The following ELMO1 variants were observed in gnomAD, a reference collection of about 807,000 sequenced individuals.
ELMO1 encodes engulfment and cell motility 1, also known as engulfment and cell motility protein 1.
In ELMO1, 26 loss-of-function variants were observed where a neutral mutation model predicts 98.9. The observed-to-expected ratio is 0.26, with a 90% CI of 0.19 to 0.36. The LOEUF (loss-of-function observed/expected upper bound fraction) is 0.36, where lower values mean the gene tolerates loss of function less well. Ranked by LOEUF, ELMO1 falls within the 10% of genes least tolerant of loss-of-function variation. The pLI, the probability that ELMO1 is intolerant of heterozygous loss-of-function variation, is 1.00. For missense variants in ELMO1, 627 were observed against 935.2 expected, an observed-to-expected ratio of 0.67 and a Z score of 4.30; for synonymous variants, 346 against 346.0, an observed-to-expected ratio of 1.00 and a Z score of 0.00.
At chr7:37,185,612 T>C (rs1490237760) in intron 13 of ELMO1, among the ~76,000 whole-genome samples, 1 of 152,182 alleles carries the variant, frequency 6.6e-6, no homozygotes. Context: ...ATGTGACTGA[T>C]TGTGCCAACA....
intron 13 of ELMO1, among the ~76,000 whole-genome samples, chr7:37,141,342 C>T (rs116442949): frequency 0.023 from 3,492 of 152,156 alleles, 142 homozygotes; most frequent in African/African-American, 0.08. Context: ...ATAAGAATGA[C>T]GCACTGGACT....
At chr7:37,184,953 G>A (rs867997414) in intron 13 of ELMO1, among the ~76,000 whole-genome samples, 4 of 151,728 alleles carry the variant, frequency 2.6e-5, no homozygotes, top group African/African-American at 9.7e-5. Context: ...TTTTTCTCTT[G>A]TTCTACATAT....
chr7:36,895,541 C>T (rs908676664), intron 16 of ELMO1, among the ~76,000 whole-genome samples: 9 of 152,132 alleles, frequency 5.9e-5, no homozygotes, highest in Non-Finnish European at 8.8e-5. Context: ...ATACTAATTA[C>T]GCATTTGGAA....
Position 37,406,367 on chromosome 7 carries a change from G to A in ELMO1, c.-74+42308C>T, listed in dbSNP as rs142215968. On this transcript the variant is annotated intron_variant, in intron 1 of 21. Coordinates refer to ENST00000310758, the MANE Select transcript of ELMO1 (RefSeq NM_014800.11). The stretch of plus-strand genomic sequence containing the variant: ...GAACTCAGTAGCCACAACAATGAGG[G>A]GCATAATGCAATGAAACTAAAAACA... 1.5e-3 allele frequency among the ~76,000 whole-genome samples: 221 copies of A among 151,886 alleles called. 2 individuals carry two copies. The highest frequency in any genetic ancestry group is 5.0e-3 in the African/African-American group (209 of 41,420).
chr7:37,260,569 C>G (rs1459722486), intron 5 of ELMO1, among the ~76,000 whole-genome samples: 1 of 152,146 alleles, frequency 6.6e-6, no homozygotes, highest in Non-Finnish European at 1.5e-5. Flanking sequence ...CCCTCCCTGC[C>G]CAGTTCTCCC....
intron 15 of ELMO1, among the ~76,000 whole-genome samples, chr7:37,081,643 C>T (rs1439918512): frequency 2.0e-5 from 3 of 152,192 alleles, no homozygotes; most frequent in Non-Finnish European, 2.9e-5. Flanking sequence ...TCCCTCTTGG[C>T]CTGCTGCCAG....
At chr7:36,974,911 T>C (rs577065405) in intron 16 of ELMO1, among the ~76,000 whole-genome samples, 1 of 151,400 alleles carries the variant, frequency 6.6e-6, no homozygotes, top group East Asian at 1.9e-4. Context: ...TAACACTCAC[T>C]GCGAACGTCT....
chr7:37,390,306 C>G (rs1461274484), intron 1 of ELMO1, among the ~76,000 whole-genome samples: 1 of 152,180 alleles, frequency 6.6e-6, no homozygotes, highest in African/African-American at 2.4e-5. Flanking sequence ...GGAGTATGAA[C>G]GGTTTCACAT....
intron 13 of ELMO1, among the ~76,000 whole-genome samples, chr7:37,142,171 C>A (rs1354637834): frequency 6.6e-6 from 1 of 152,124 alleles, no homozygotes; most frequent in African/African-American, 2.4e-5. Context: ...GGGGTCCAGT[C>A]TTAATTGGAA....
At chr7:37,395,405 C>T (rs1803256112) in intron 1 of ELMO1, among the ~76,000 whole-genome samples, 1 of 149,496 alleles carries the variant, frequency 6.7e-6, no homozygotes, top group Non-Finnish European at 1.5e-5. Flanking sequence ...GTTCATCCTG[C>T]CTCTCTCAAT....
At chr7:37,335,201 G>C (rs889935215) in intron 2 of ELMO1, among the ~76,000 whole-genome samples, 1 of 152,206 alleles carries the variant, frequency 6.6e-6, no homozygotes, top group Non-Finnish European at 1.5e-5. Context: ...CTGGAGAAAA[G>C]ACTGCATTAT....
chr7:36,933,726 G>A (rs1462019230), intron 16 of ELMO1, among the ~76,000 whole-genome samples: 1 of 152,210 alleles, frequency 6.6e-6, no homozygotes, highest in Admixed American at 6.5e-5. Context: ...GCAGAAGTTG[G>A]AGAGGAGAAT....
At chr7:37,229,498 G>C (rs1794049306) in intron 8 of ELMO1, among the ~76,000 whole-genome samples, 1 of 151,902 alleles carries the variant, frequency 6.6e-6, no homozygotes, top group Non-Finnish European at 1.5e-5. Context: ...ACAGAGGCTG[G>C]CAGGGAAAAA....
chr7:36,968,240 A>C (rs1440418494), intron 16 of ELMO1, among the ~76,000 whole-genome samples: 1 of 152,152 alleles, frequency 6.6e-6, no homozygotes, highest in Non-Finnish European at 1.5e-5. Context: ...AGTCTTCCTA[A>C]AGTCTCTCTT....
chr7:37,159,266 C>T (rs1789027632), intron 13 of ELMO1, among the ~76,000 whole-genome samples: 1 of 152,184 alleles, frequency 6.6e-6, no homozygotes, highest in Non-Finnish European at 1.5e-5. Context: ...CAAACCTGCA[C>T]ATTGTGCACA....
intron 4 of ELMO1, among the ~76,000 whole-genome samples, chr7:37,293,092 T>A (rs1335750060): frequency 1.4e-4 from 1 of 7,214 alleles, no homozygotes; most frequent in Admixed American, 2.8e-3. Context: ...GGGAGGGAGG[T>A]GGGGGGGGGT....
intron 13 of ELMO1, among the ~76,000 whole-genome samples, chr7:37,163,337 C>CTTT (rs916709754): frequency 1.1e-3 from 8 of 7,044 alleles, no homozygotes; most frequent in East Asian, 0.036. Context: ...AGCCAGTGTT[C>CTTT]TTTTTTTTTT....
In ELMO1 at chr7:37,335,809, A is replaced by G. The variant is rs578087012; in HGVS notation, c.78+6804T>C. Among the ~76,000 whole-genome samples the G allele has an allele frequency of 1.2e-3, 186 of 152,302 alleles. 1 individual carries two copies. Among genetic ancestry groups the G allele is most frequent in the South Asian group, 6.6e-3 (32 of 4,826 alleles). ...TTCTCCAAGCATTTGTCTGATGCAC[A>G]CTTGGTAGAGATGATGGATCCCCTC... On this transcript the variant is annotated intron_variant, in intron 2 of 21. Transcript: ENST00000310758.
chr7:37,228,853 G>A (rs558419786), intron 8 of ELMO1, among the ~76,000 whole-genome samples: 4 of 152,158 alleles, frequency 2.6e-5, no homozygotes, highest in East Asian at 3.9e-4. Flanking sequence ...TTAGCCAGGC[G>A]TGGTGGTGGG....
Sources: allele counts gnomAD v4.1 joint callset (sites outside exome capture counted in the v4.1 genomes callset), GRCh38; gene constraint gnomAD v4.1.1; transcripts MANE v1.5; gene names NCBI Gene and HGNC (gene_info 2026-07-23, HGNC 2026-07-21).